SNAPC4: variants seen among roughly 807,000 people sequenced by gnomAD.
The protein encoded by SNAPC4 is small nuclear RNA activating complex polypeptide 4, also known as snRNA-activating protein complex subunit 4.
Under a neutral mutation model 151.3 loss-of-function variants are expected in SNAPC4, and 127 were observed. That is an observed-to-expected ratio of 0.84 (90% CI 0.73 to 0.97). The LOEUF (loss-of-function observed/expected upper bound fraction) is 0.97. SNAPC4 is among the 50% of genes least tolerant of loss of function. The pLI is 0.00. For synonymous variants in SNAPC4, 1,002 were observed against 824.4 expected, an observed-to-expected ratio of 1.22 and a Z score of -3.69; for missense variants, 2,186 against 1,935.0, an observed-to-expected ratio of 1.13 and a Z score of -2.43.
intron 2 of SNAPC4, among the ~76,000 whole-genome samples, 188 bp downstream of exon 2, chr9:136,398,111 T>C (rs1312519154): frequency 6.6e-6 from 1 of 152,102 alleles, no homozygotes; most frequent in Non-Finnish European, 1.5e-5. Flanking sequence ...TCTTGCTGCG[T>C]TGTCCAGGCT....
At chr9:136,392,357 C>T (rs1413310618) in intron 9 of SNAPC4, among the ~76,000 whole-genome samples, 165 bp downstream of exon 9, 1 of 152,212 alleles carries the variant, frequency 6.6e-6, no homozygotes, top group East Asian at 1.9e-4. Context: ...TGAGTCCACT[C>T]GCCATTCCCG....
chr9:136,379,299 C>A lies in SNAPC4; in HGVS notation c.2528G>T (p.Gly843Val), dbSNP rs760449306. Residue 843 changes from glycine (G) to valine (V), a missense_variant and splice_region_variant, in exon 22 of 24, where the codon GGC becomes GTC. By Grantham distance (109) the Gly-to-Val change is moderately radical. Coordinates refer to ENST00000684778, the MANE Select transcript of SNAPC4 (RefSeq NM_003086.4). Reference sequence around the variant, plus strand: ...AGCCGGCACGTTTGGGAAGAGGTGGCCTGTGGGGAGGAAAGACCCACACTT... The same window carrying A: ...AGCCGGCACGTTTGGGAAGAGGTGGACTGTGGGGAGGAAAGACCCACACTT... ...QASSSAQSTP[G>V]HLFPNVPAQE... The A allele has an allele frequency of 6.2e-7, 1 of 1,612,484 alleles. No individual in the cohort carries two copies. Among genetic ancestry groups the A allele is most frequent in the Admixed American group, 1.7e-5 (1 of 59,986 alleles).
rs780857052 is a variant in SNAPC4 at position 136,392,613 on chromosome 9, G to T, written c.738-19C>A. ...AAGCTGGCTGGTGGAAGGGATGAGG[G>T]TATTGGCACCACGCCTGGCTTGTGG... is the stretch of plus-strand genomic sequence containing the variant. On this transcript the variant is annotated intron_variant, in intron 8 of 23. Coordinates refer to ENST00000684778, the MANE Select transcript of SNAPC4 (RefSeq NM_003086.4). 45 of 1,613,658 alleles carry T rather than the reference G, an allele frequency of 2.8e-5. No homozygotes were observed. The highest frequency in any genetic ancestry group is 3.4e-5 in the Non-Finnish European group (40 of 1,179,964).
chr9:136,379,189 G>A lies in SNAPC4; in HGVS notation c.2638C>T (p.Leu880=). ...RVERTLPQAS[L]LASTGPRPKP... ...GGCCGGGGGCCGGTTGAAGCCAGCAGGGACGCCTGGGGTAGGGTGCGCTCC... is the reference window on the plus strand; with the variant it reads ...GGCCGGGGGCCGGTTGAAGCCAGCAAGGACGCCTGGGGTAGGGTGCGCTCC... The change falls in exon 22 of 24, where the codon CTG becomes TTG. Residue 880 remains leucine, a synonymous_variant. Transcript: ENST00000684778. The A allele has an allele frequency of 5.6e-6, 9 of 1,605,014 alleles. No homozygotes were observed. Among genetic ancestry groups the A allele is most frequent in the Non-Finnish European group, 6.8e-6 (8 of 1,176,776 alleles).
chr9:136,385,046 G>A (rs1833845670), intron 13 of SNAPC4, among the ~76,000 whole-genome samples: 1 of 152,192 alleles, frequency 6.6e-6, no homozygotes, highest in African/African-American at 2.4e-5. Context: ...TCACGTGTCC[G>A]ATAAAGGACT....
Position 136,384,603 on chromosome 9 carries a change from C to T in SNAPC4, c.1420+117G>A, listed in dbSNP as rs551901476. 1.0e-4 allele frequency: 57 copies of T among 559,648 alleles called. 1 individual carries two copies. Among genetic ancestry groups the T allele is most frequent in the African/African-American group, 9.4e-4 (48 of 51,038 alleles). 34.7% of individuals were successfully genotyped at this position (559,648 alleles called of 1,614,324 possible). A position where few individuals can be genotyped will look rare whatever the true frequency, so the allele number is the denominator to read the frequency against. On this transcript the variant is annotated intron_variant, in intron 14 of 23. Coordinates refer to ENST00000684778, the MANE Select transcript of SNAPC4 (RefSeq NM_003086.4). ...GTTTGAGGCTGCAGTGGGCTATGGT[C>T]GCACCACCGCACCCCAGCCTGGACG... is the stretch of plus-strand genomic sequence containing the variant.
At chr9:136,388,416 G>C (rs1833961829) in intron 11 of SNAPC4, 28 bp downstream of exon 11, 7 of 1,606,046 alleles carry the variant, frequency 4.4e-6, no homozygotes, top group African/African-American at 1.3e-5. Flanking sequence ...GTGACAGCCT[G>C]AGAGCCGTCG....
rs758027220 is a variant in SNAPC4 at position 136,383,210 on chromosome 9, C to T, written c.1959G>A (p.Ala653=). The T allele has an allele frequency of 1.4e-5, 21 of 1,551,962 alleles. No homozygotes were observed. Among genetic ancestry groups the T allele is most frequent in the Middle Eastern group, 1.7e-4 (1 of 5,784 alleles). The change falls in exon 16 of 24, where the codon GCG becomes GCA. Residue 653 remains alanine (A), a synonymous_variant. Transcript: ENST00000684778. The surrounding 1 kb of genome is among the most constrained non-coding windows in gnomAD (Gnocchi z 4.2). ...QASHSADTRP[A]GAEKQALEGG... is the part of the protein sequence containing the mutation. ...CCTCCAGGGCCTGCTTCTCTGCGCC[C>T]GCCGGGCGAGTGTCTGCTGAGTGGG...
intron 10 of SNAPC4, among the ~76,000 whole-genome samples, chr9:136,390,927 C>T (rs967948387): frequency 1.1e-4 from 16 of 152,042 alleles, no homozygotes; most frequent in African/African-American, 3.6e-4. Context: ...CTCCGCCTCC[C>T]GGGTTCACGC....
Position 136,378,676 on chromosome 9 carries a change from T to TGGGGCTG in SNAPC4, c.3144_3150dup (p.Thr1051GlnfsTer70), listed in dbSNP as rs1212946877. The TGGGGCTG allele has an allele frequency of 2.2e-6, 3 of 1,393,926 alleles. No homozygotes were observed. Among genetic ancestry groups the TGGGGCTG allele is most frequent in the Non-Finnish European group, 2.8e-6 (3 of 1,067,858 alleles). The allele number at this position is 1,393,926 out of a possible 1,614,324, so 86.3% of individuals were successfully genotyped here. On this transcript the variant is annotated frameshift_variant, in exon 22 of 24. Coordinates refer to ENST00000684778, the MANE Select transcript of SNAPC4 (RefSeq NM_003086.4). LOFTEE classifies it high-confidence loss of function. The stretch of plus-strand genomic sequence containing the variant: ...CTGAGGGGCTGGACGGGCAGTGGGG[T>TGGGGCTG]GGGGCTGGGGGCTGCGGGGAGAAAG...
rs1299750262 is a variant in SNAPC4 at position 136,397,127 on chromosome 9, T to G, written c.131-104A>C. 5 of 1,004,470 alleles carry G rather than the reference T, an allele frequency of 5.0e-6. No individual in the cohort carries two copies. The African/African-American group carries it at 7.9e-5, about 16-fold the overall frequency. 62.2% of individuals were successfully genotyped at this position (1,004,470 alleles called of 1,614,324 possible). ...GGGCAGACCTGGGGTTGTGAGGTAG[T>G]GACAGCGCCTCAGGCTGAGGCTGGC... On this transcript the variant is annotated intron_variant, in intron 2 of 23. Coordinates refer to ENST00000684778, the MANE Select transcript of SNAPC4 (RefSeq NM_003086.4).
rs201066947 is a variant in SNAPC4, at chr9:136,381,407, G to A, written c.2318-15C>T. 7 of 1,609,620 alleles carry A rather than the reference G, an allele frequency of 4.3e-6. No individual in the cohort carries two copies. Among genetic ancestry groups the A allele is most frequent in the Non-Finnish European group, 1.7e-6 (2 of 1,177,178 alleles). On this transcript the variant is annotated splice_polypyrimidine_tract_variant and intron_variant, in intron 18 of 23. Transcript: ENST00000684778. Reference sequence around the variant, plus strand: ...GAGGCCATCCGCTGCGGGCACAGGGGGATAAGTGGAAAGCAGCCCCAGCTC... The same window carrying A: ...GAGGCCATCCGCTGCGGGCACAGGGAGATAAGTGGAAAGCAGCCCCAGCTC...
At chr9:136,393,691 C>T (rs1022148230) in intron 7 of SNAPC4, among the ~76,000 whole-genome samples, 3 of 151,516 alleles carry the variant, frequency 2.0e-5, no homozygotes, top group South Asian at 2.1e-4. Context: ...GGACCGACCC[C>T]GCGCCCCGAG....
intron 13 of SNAPC4, among the ~76,000 whole-genome samples, chr9:136,386,255 T>C (rs1833885130): frequency 6.6e-6 from 1 of 152,100 alleles, no homozygotes. Flanking sequence ...ACTGGCCATC[T>C]GTGCATCTTC....
chr9:136,398,067 T>TTTA lies in SNAPC4; in HGVS notation c.130+229_130+231dup, dbSNP rs879692805. 1.1e-4 allele frequency among the ~76,000 whole-genome samples: 16 copies of TTTA among 151,960 alleles called. No homozygotes were observed. In the East Asian group the frequency reaches 1.2e-3, roughly 11 times the overall value. On this transcript the variant is annotated intron_variant, in intron 2 of 23. Transcript: ENST00000684778. ...CTGGTCCAAGCAGCACCAGCCATCG[T>TTTA]TTATTATTATTATTATTATTTTTAG... is the stretch of plus-strand genomic sequence containing the variant.
chr9:136,377,455 C>G, intron 22 of SNAPC4, 88 bp downstream of exon 22: 1 of 1,436,530 alleles, frequency 7.0e-7, no homozygotes, highest in Non-Finnish European at 9.1e-7. Flanking sequence ...CAACTTCCAC[C>G]AGCCCCCACC....
In SNAPC4 at chr9:136,379,169, G is replaced by A; in HGVS notation, c.2658C>T (p.Pro886=). 6.3e-7 allele frequency: 1 copy of A among 1,592,854 alleles called. No individual in the cohort carries two copies. The highest frequency in any genetic ancestry group is 1.8e-5 in the Admixed American group (1 of 55,648). Residue 886 remains proline (P), a synonymous_variant, in exon 22 of 24, where the codon CCC becomes CCT. Transcript: ENST00000684778. ...CCGACACAGTCTTGGGCTTGGGCCGGGGGCCGGTTGAAGCCAGCAGGGACG... is the reference window on the plus strand; with the variant it reads ...CCGACACAGTCTTGGGCTTGGGCCGAGGGCCGGTTGAAGCCAGCAGGGACG... ...PQASLLASTG[P]RPKPKTVSEL...
In SNAPC4 at chr9:136,383,562, CTG is replaced by C; in HGVS notation, c.1605_1606del (p.Ser535ArgfsTer21). On this transcript the variant is annotated frameshift_variant, in exon 16 of 24. Coordinates refer to ENST00000684778, the MANE Select transcript of SNAPC4 (RefSeq NM_003086.4). LOFTEE classifies it high-confidence loss of function. This position sits in a 1 kb window ranked among gnomAD's most constrained non-coding sequence, Gnocchi z 4.2. ...CTCCTCGCTGCTGCTGCTGCTGCTG[CTG>C]CTGCTCCCTCCACTGCTGCCACTGC... 6.2e-7 allele frequency: 1 copy of C among 1,607,694 alleles called. No individual in the cohort carries two copies. Among genetic ancestry groups the C allele is most frequent in the Non-Finnish European group, 8.5e-7 (1 of 1,177,708 alleles).
intron 13 of SNAPC4, 126 bp from the exon 14 acceptor site, chr9:136,384,940 AT>A: frequency 1.8e-6 from 1 of 547,258 alleles, no homozygotes; most frequent in South Asian, 2.5e-5. Flanking sequence ...AAAACTACAG[AT>A]AAAGTAGACT....
Sources: allele counts gnomAD v4.1 joint callset (sites outside exome capture counted in the v4.1 genomes callset), GRCh38; gene constraint gnomAD v4.1.1; non-coding constraint Gnocchi (gnomAD v3.1); transcripts MANE v1.5; gene names NCBI Gene and HGNC (gene_info 2026-07-23, HGNC 2026-07-21).